Variants in C4orf36 observed in about 807,000 individuals in gnomAD.
The protein encoded by C4orf36 is uncharacterized protein C4orf36.
In C4orf36, 11 loss-of-function variants were observed where a neutral mutation model predicts 12.2. That is an observed-to-expected ratio of 0.90 (90% confidence interval 0.57 to 1.49). The LOEUF is 1.49. Among genes scored for constraint, C4orf36 ranks in the 40% most tolerant of loss-of-function variants. The pLI is 0.00. For missense variants in C4orf36, 137 were observed against 133.9 expected (o/e 1.02, Z -0.11); for synonymous variants, 54 against 51.3 (o/e 1.05, Z -0.22).
chr4:86,903,574 T>A, the C4orf36 span, among the ~76,000 whole-genome samples: 1 of 152,224 alleles, frequency 6.6e-6, no homozygotes, highest in African/African-American at 2.4e-5. Flanking sequence ...TTACAGCTCC[T>A]AAAGGTGGCG....
At chr4:86,912,738 G>A in the C4orf36 span, among the ~76,000 whole-genome samples, 3 of 152,146 alleles carry the variant, frequency 2.0e-5, no homozygotes, top group Non-Finnish European at 4.4e-5. Context: ...ATATAGATAT[G>A]TATATGAGTG....
At chr4:86,911,430 C>T in the C4orf36 span, among the ~76,000 whole-genome samples, 1 of 152,186 alleles carries the variant, frequency 6.6e-6, no homozygotes, top group African/African-American at 2.4e-5. Flanking sequence ...TATTACTAGG[C>T]TTAATTAACA....
the C4orf36 span, among the ~76,000 whole-genome samples, chr4:86,916,037 TTC>T: frequency 6.6e-6 from 1 of 152,304 alleles, no homozygotes; most frequent in Non-Finnish European, 1.5e-5. Context: ...GACAATACAT[TTC>T]TGTTGCTTTA....
chr4:86,918,818 T>C, the C4orf36 span, among the ~76,000 whole-genome samples: 1 of 145,946 alleles, frequency 6.9e-6, no homozygotes, highest in East Asian at 1.9e-4. Context: ...TGCGTGTGTG[T>C]GTGTGTGTGT....
intron 2 of C4orf36, 57 bp downstream of exon 2, chr4:86,891,399 A>G: frequency 6.5e-7 from 1 of 1,532,084 alleles, no homozygotes; most frequent in Non-Finnish European, 9.0e-7. Context: ...TTTAACAAAG[A>G]CACTCCCCAC....
chr4:86,923,234 G>C, the C4orf36 span, among the ~76,000 whole-genome samples: 1 of 151,734 alleles, frequency 6.6e-6, no homozygotes, highest in East Asian at 1.9e-4. Flanking sequence ...TGAGACTACA[G>C]GTATGTACCA....
chr4:86,885,351 G>T (rs1425167072), intron 4 of C4orf36, among the ~76,000 whole-genome samples: 1 of 152,082 alleles, frequency 6.6e-6, no homozygotes, highest in Non-Finnish European at 1.5e-5. Flanking sequence ...TCTTCCATTT[G>T]TTTGTGTCCT....
chr4:86,893,893 TTTA>T (rs1747528482), upstream of C4orf36, among the ~76,000 whole-genome samples: 1 of 150,596 alleles, frequency 6.6e-6, no homozygotes, highest in African/African-American at 2.4e-5. Flanking sequence ...TATTTATTTA[TTTA>T]TTTATTTATT....
chr4:86,889,489 T>C (rs1230210488), intron 2 of C4orf36, among the ~76,000 whole-genome samples: 1 of 152,234 alleles, frequency 6.6e-6, no homozygotes, highest in Non-Finnish European at 1.5e-5. Context: ...AGTTATTGTT[T>C]ACATAGCACC....
intron 2 of C4orf36, 83 bp from the exon 3 acceptor site, chr4:86,888,358 T>C (rs757214837): frequency 4.4e-6 from 6 of 1,371,920 alleles, no homozygotes; most frequent in South Asian, 1.4e-5. Context: ...TAATTCTCAG[T>C]TCCATTTGCC....
chr4:86,893,744 T>G (rs1047709151), upstream of C4orf36, among the ~76,000 whole-genome samples: 3 of 152,156 alleles, frequency 2.0e-5, no homozygotes, highest in African/African-American at 7.2e-5. Flanking sequence ...TCAGCATTTC[T>G]GCTCTACCAC....
the C4orf36 span, among the ~76,000 whole-genome samples, chr4:86,921,001 A>C: frequency 3.3e-5 from 5 of 151,848 alleles, no homozygotes; most frequent in Non-Finnish European, 7.4e-5. Flanking sequence ...CCCCGTCTCT[A>C]CTAAAAATAC....
chr4:86,891,956 G>C lies in C4orf36; in HGVS notation c.-74+227C>G, dbSNP rs938454037. On this transcript the variant is annotated intron_variant, in intron 1 of 4. Coordinates refer to ENST00000295898, the MANE Select transcript of C4orf36 (RefSeq NM_144645.4). Reference sequence around the variant, plus strand: ...GCACAGGAACCACCCGCCCCGGCCCGGGCACTTTGAGCAGAGCAATCCTTC... The same window carrying C: ...GCACAGGAACCACCCGCCCCGGCCCCGGCACTTTGAGCAGAGCAATCCTTC... 2.7e-5 allele frequency: 27 copies of C among 992,926 alleles called. No individual in the cohort carries two copies. In the East Asian group the frequency reaches 8.2e-4, roughly 30 times the overall value. The allele number at this position is 992,926 out of a possible 1,614,324, so 61.5% of individuals were successfully genotyped here. A position where few individuals can be genotyped will look rare whatever the true frequency, so the allele number is the denominator to read the frequency against.
the C4orf36 span, among the ~76,000 whole-genome samples, chr4:86,924,450 C>T: frequency 6.6e-6 from 1 of 152,330 alleles, no homozygotes; most frequent in African/African-American, 2.4e-5. Flanking sequence ...ATCCACCCCC[C>T]TCGGCCTCTC....
intron 4 of C4orf36, among the ~76,000 whole-genome samples, chr4:86,886,098 T>G (rs1456613338): frequency 6.6e-6 from 1 of 152,224 alleles, no homozygotes; most frequent in East Asian, 1.9e-4. Context: ...GGATTCAGTT[T>G]GCCAGTATTT....
At chr4:86,884,300 T>C (rs1053450697) in intron 4 of C4orf36, among the ~76,000 whole-genome samples, 592 of 13,140 alleles carry the variant, frequency 0.045, 44 homozygotes, top group East Asian at 0.17. Flanking sequence ...AAAGACTGAA[T>C]TTTTTTTTTT....
At chr4:86,901,741 C>G in the C4orf36 span, among the ~76,000 whole-genome samples, 1 of 152,076 alleles carries the variant, frequency 6.6e-6, no homozygotes, top group African/African-American at 2.4e-5. Context: ...CCACTCATAC[C>G]AATCTTCATT....
At chr4:86,922,558 G>A in the C4orf36 span, among the ~76,000 whole-genome samples, 1 of 152,134 alleles carries the variant, frequency 6.6e-6, no homozygotes, top group African/African-American at 2.4e-5. Context: ...ATCAGCAGAG[G>A]GCACTAGAGA....
the C4orf36 span, among the ~76,000 whole-genome samples, chr4:86,919,322 T>G: frequency 1.2e-4 from 16 of 133,340 alleles, 1 homozygote; most frequent in South Asian, 4.2e-3. Flanking sequence ...CCCCTTTTTT[T>G]TTTTTTTTTT....
Sources: gnomAD v4.1 joint callset for allele counts (sites outside exome capture counted in the v4.1 genomes callset) on GRCh38, gnomAD v4.1.1 for gene constraint, MANE v1.5 for transcripts, NCBI Gene and HGNC (gene_info 2026-07-23, HGNC 2026-07-21) for gene names.